Variants in PTPRD observed in about 807,000 individuals in gnomAD.
PTPRD encodes protein tyrosine phosphatase receptor type D.
A neutral mutation model predicts 214.5 loss-of-function variants in PTPRD; 34 were observed. The ratio of observed to expected loss-of-function variants is 0.16; its 90% CI spans 0.12 to 0.21. PTPRD has a LOEUF of 0.21. Among genes scored for constraint, PTPRD ranks in the 10% least tolerant of loss-of-function variants. The pLI, the probability that PTPRD is intolerant of heterozygous loss-of-function variation, is 1.00. For synonymous variants in PTPRD, 1,128 were observed against 845.7 expected, an observed-to-expected ratio of 1.33 and a Z score of -5.79; for missense variants, 2,545 against 2,398.7, an observed-to-expected ratio of 1.06 and a Z score of -1.27.
At chr9:8,881,391 CAT>C (rs1341099800) in intron 11 of PTPRD, among the ~76,000 whole-genome samples, 1 of 152,184 alleles carries the variant, frequency 6.6e-6, no homozygotes, top group Non-Finnish European at 1.5e-5. Context: ...TTAGGTCAGA[CAT>C]ATTAGGCTTT....
At chr9:9,865,482 AC>A (rs1218667527) in intron 5 of PTPRD, among the ~76,000 whole-genome samples, 1 of 152,144 alleles carries the variant, frequency 6.6e-6, no homozygotes, top group Non-Finnish European at 1.5e-5. Flanking sequence ...ACTCTGTGTC[AC>A]CTAGGGACAC....
chr9:9,631,555 C>A (rs181795527), intron 7 of PTPRD, among the ~76,000 whole-genome samples: 10 of 152,154 alleles, frequency 6.6e-5, no homozygotes, highest in Admixed American at 6.6e-4. Flanking sequence ...CTGTAAGATT[C>A]AGCAGGTTTC....
At chr9:8,573,082 A>G (rs2091572892) in intron 14 of PTPRD, among the ~76,000 whole-genome samples, 1 of 151,990 alleles carries the variant, frequency 6.6e-6, no homozygotes, top group African/African-American at 2.4e-5. Context: ...CTCAATTTAA[A>G]CTCCTATGAC....
chr9:9,115,864 T>TA (rs1432935780), intron 10 of PTPRD, among the ~76,000 whole-genome samples: 2 of 152,154 alleles, frequency 1.3e-5, no homozygotes, highest in Non-Finnish European at 2.9e-5. Context: ...AAAATGTATA[T>TA]ACCCATCATG....
chr9:8,531,023 G>A (rs547258452), intron 14 of PTPRD, among the ~76,000 whole-genome samples: 1 of 152,166 alleles, frequency 6.6e-6, no homozygotes, highest in East Asian at 1.9e-4. Flanking sequence ...GGTAGTTAGG[G>A]CCGGGTACTA....
intron 2 of PTPRD, among the ~76,000 whole-genome samples, chr9:10,568,366 T>G (rs985348936): frequency 7.9e-5 from 12 of 152,088 alleles, no homozygotes; most frequent in Non-Finnish European, 1.8e-4. Context: ...CAGTCTATCA[T>G]TGTTGGACAT....
intron 9 of PTPRD, among the ~76,000 whole-genome samples, chr9:9,394,646 T>C (rs571479122): frequency 1.8e-4 from 27 of 152,278 alleles, no homozygotes; most frequent in Middle Eastern, 3.4e-3. Context: ...GTCATCACCA[T>C]GTAGCTCTTG....
chr9:8,746,797 C>G (rs959476322), intron 11 of PTPRD, among the ~76,000 whole-genome samples: 1 of 151,818 alleles, frequency 6.6e-6, no homozygotes, highest in African/African-American at 2.4e-5. Context: ...AGTTCAAGAC[C>G]AGCCTGGGCA....
chr9:10,029,308 C>T (rs191478134), intron 4 of PTPRD, among the ~76,000 whole-genome samples: 7 of 152,276 alleles, frequency 4.6e-5, no homozygotes, highest in African/African-American at 1.4e-4. Flanking sequence ...CCCACTGGGG[C>T]GCTGTCTAGT....
At chr9:10,110,768 G>T (rs72694884) in intron 3 of PTPRD, among the ~76,000 whole-genome samples, 8,707 of 152,244 alleles carry the variant, frequency 0.057, 328 homozygotes, top group Admixed American at 0.1. Flanking sequence ...CTGGCTAATT[G>T]AGAGAAAAAA....
chr9:8,497,340 G>A, intron 25 of PTPRD, 72 bp from the exon 26 acceptor site: 4 of 1,282,264 alleles, frequency 3.1e-6, no homozygotes, highest in African/African-American at 3.1e-5. Flanking sequence ...TATACAGGCA[G>A]TGTTGCCCTT....
intron 2 of PTPRD, among the ~76,000 whole-genome samples, chr9:10,393,092 AG>A (rs1280380549): frequency 1.3e-5 from 2 of 151,748 alleles, no homozygotes; most frequent in Admixed American, 6.6e-5. Context: ...CCTATACAAC[AG>A]TGTTTGTAGT....
At chr9:9,405,317 CTTGA>C (rs1454781420) in intron 8 of PTPRD, among the ~76,000 whole-genome samples, 1 of 151,992 alleles carries the variant, frequency 6.6e-6, no homozygotes, top group Non-Finnish European at 1.5e-5. Flanking sequence ...GCAATGGCTC[CTTGA>C]TTAAGGTGAT....
chr9:8,663,074 A>C (rs2203169), intron 12 of PTPRD, among the ~76,000 whole-genome samples: 1,856 of 152,268 alleles, frequency 0.012, 46 homozygotes, highest in African/African-American at 0.042. Flanking sequence ...ATAAAAAGTC[A>C]AATACTTTTT....
At chr9:10,598,115 T>A (rs2077026744) in intron 2 of PTPRD, among the ~76,000 whole-genome samples, 1 of 151,472 alleles carries the variant, frequency 6.6e-6, no homozygotes, top group African/African-American at 2.4e-5. Context: ...CAGATTGAGG[T>A]CCAGTTTTCT....
intron 12 of PTPRD, among the ~76,000 whole-genome samples, chr9:8,693,027 G>C (rs761395577): frequency 1.6e-4 from 24 of 152,312 alleles, no homozygotes; most frequent in Non-Finnish European, 2.8e-4. Context: ...CTGACACTCT[G>C]AGGTATGTTA....
intron 2 of PTPRD, among the ~76,000 whole-genome samples, chr9:10,574,856 C>T (rs1262717256): frequency 6.7e-6 from 1 of 149,930 alleles, no homozygotes; most frequent in Non-Finnish European, 1.5e-5. Context: ...TTCTTCCCCC[C>T]ATTTAAAAAT....
chr9:8,877,379 C>T (rs1325379935), intron 11 of PTPRD, among the ~76,000 whole-genome samples: 1 of 152,090 alleles, frequency 6.6e-6, no homozygotes, highest in Admixed American at 6.6e-5. Flanking sequence ...AATAGGTAAA[C>T]ACCTTATTTT....
chr9:10,430,899 T>C lies in PTPRD; in HGVS notation c.-599-89882A>G, dbSNP rs554821847. Among the ~76,000 whole-genome samples, 16 of 152,074 alleles carry C rather than the reference T, an allele frequency of 1.1e-4. No homozygotes were observed. The East Asian group carries it at 3.1e-3, about 30-fold the overall frequency. Reference sequence around the variant, plus strand: ...AGTGATAAAGAAAAGTTCAAAATGCTTTGATTATATGGACATATTTTAAGC... The same window carrying C: ...AGTGATAAAGAAAAGTTCAAAATGCCTTGATTATATGGACATATTTTAAGC... On this transcript the variant is annotated intron_variant, in intron 2 of 45. Coordinates refer to ENST00000381196, the MANE Select transcript of PTPRD (RefSeq NM_002839.4).
Sources: gnomAD v4.1 joint callset for allele counts (sites outside exome capture counted in the v4.1 genomes callset) on GRCh38, gnomAD v4.1.1 for gene constraint, MANE v1.5 for transcripts, NCBI Gene and HGNC (gene_info 2026-07-23, HGNC 2026-07-21) for gene names.